The following HELZ variants were observed in gnomAD, a reference collection of about 807,000 sequenced individuals.
HELZ encodes ATP-dependent RNA helicase with zinc finger domain.
Under a neutral mutation model 218.2 loss-of-function variants are expected in HELZ, and 23 were observed. The ratio of observed to expected loss-of-function variants is 0.11; its 90% CI spans 0.08 to 0.15. HELZ has a LOEUF of 0.15. HELZ is among the 10% of genes least tolerant of loss of function. The pLI is 1.00. For missense variants in HELZ, 1,813 were observed against 2,353.7 expected (o/e 0.77, Z 4.75); for synonymous variants, 814 against 829.4 (o/e 0.98, Z 0.32).
Position 67,072,380 on chromosome 17 carries a change from C to G in HELZ, c.*5872G>C, listed in dbSNP as rs960498746. ...TATTATTTTATTATTTAAGGATTAT[C>G]TGTGGTTTTCGATGCTCCATGTCAC... On this transcript the variant is annotated 3_prime_UTR_variant, in exon 33 of 33. Transcript: ENST00000358691. 5 of 152,644 alleles carry G rather than the reference C, an allele frequency of 3.3e-5. No individual in the cohort carries two copies. Among genetic ancestry groups the G allele is most frequent in the African/African-American group, 1.2e-4 (5 of 41,444 alleles). The allele number at this position is 152,644 out of a possible 1,614,324, so 9.5% of individuals were successfully genotyped here.
At chr17:67,095,533 G>A (rs1306231563) in intron 31 of HELZ, among the ~76,000 whole-genome samples, 3 of 152,164 alleles carry the variant, frequency 2.0e-5, no homozygotes, top group Non-Finnish European at 4.4e-5. Context: ...GGGTGACGAA[G>A]CAAGACCCTT....
chr17:67,231,828 G>A (rs2143435583), intron 3 of HELZ, among the ~76,000 whole-genome samples: 2 of 151,798 alleles, frequency 1.3e-5, no homozygotes, highest in African/African-American at 2.4e-5. Flanking sequence ...GGAGATGGGT[G>A]GATCACCTGA....
In HELZ at chr17:67,075,650, G is replaced by C. The variant is rs2035997613; in HGVS notation, c.*2602C>G. On this transcript the variant is annotated 3_prime_UTR_variant, in exon 33 of 33. Transcript: ENST00000358691. ...TGTTATAAGATACTATGCGTAAAGA[G>C]CAGGTTCTTTAAAGCATGGTTGGAA... 1 of 152,182 alleles carries C rather than the reference G, an allele frequency of 6.6e-6. No homozygotes were observed. 9.4% of individuals were successfully genotyped at this position (152,182 alleles called of 1,614,324 possible). A position where few individuals can be genotyped will look rare whatever the true frequency, so the allele number is the denominator to read the frequency against.
At chr17:67,118,692 C>CAAAAAAAAAAAAAA in intron 27 of HELZ, among the ~76,000 whole-genome samples, 1 of 44,920 alleles carries the variant, frequency 2.2e-5, no homozygotes, top group Non-Finnish European at 3.7e-5. Flanking sequence ...CTTTAAAAGG[C>CAAAAAAAAAAAAAA]AAAAAAAAAA....
At chr17:67,244,582 C>T in intron 1 of HELZ, 1 of 768,232 alleles carries the variant, frequency 1.3e-6, no homozygotes, top group Non-Finnish European at 1.5e-6. Context: ...GAGGAGGGGG[C>T]GGGGAAAGGG....
At chr17:67,240,480 A>C (rs1293050441) in intron 2 of HELZ, among the ~76,000 whole-genome samples, 2 of 152,220 alleles carry the variant, frequency 1.3e-5, no homozygotes, top group Non-Finnish European at 2.9e-5. Flanking sequence ...ATAAAAGTAA[A>C]TAATTTTTTA....
At chr17:67,152,968 G>A (rs147053172) in intron 17 of HELZ, among the ~76,000 whole-genome samples, 1,648 of 152,152 alleles carry the variant, frequency 0.011, 18 homozygotes, top group South Asian at 0.018. Flanking sequence ...AAGAGGCTAC[G>A]TAAAATGAAG....
intron 13 of HELZ, 95 bp from the exon 14 acceptor site, chr17:67,167,891 C>A: frequency 1.2e-6 from 1 of 831,952 alleles, no homozygotes; most frequent in Non-Finnish European, 1.9e-6. Context: ...ATAAACATAC[C>A]AAAAATTAAA....
chr17:67,104,205 C>T (rs979993795), intron 31 of HELZ, among the ~76,000 whole-genome samples: 3 of 151,856 alleles, frequency 2.0e-5, no homozygotes, highest in South Asian at 4.2e-4. Context: ...GAGGCCGAGG[C>T]GAGCAGATCA....
chr17:67,087,030 T>C lies in HELZ; in HGVS notation c.5293A>G (p.Ser1765Gly). ...TCTTCAGAACAAGGTTGAACTGAGC[T>C]AGATGAGATTCTTCTTTGGTACAAG... ...RPLYQRRISS[S>G]SVQPCSEEVS... The change falls in exon 32 of 33, where the codon AGC (serine) becomes GGC (glycine). Residue 1765 changes from serine to glycine, a missense_variant. Transcript: ENST00000358691. 6.2e-7 allele frequency: 1 copy of C among 1,613,948 alleles called. No homozygotes were observed. Among genetic ancestry groups the C allele is most frequent in the South Asian group, 1.1e-5 (1 of 91,074 alleles).
chr17:67,160,862 C>T (rs2144111524), intron 16 of HELZ, 35 bp downstream of exon 16: 1 of 1,487,292 alleles, frequency 6.7e-7, no homozygotes, highest in Non-Finnish European at 9.1e-7. Flanking sequence ...TAGTATCCTA[C>T]CAGGGAAATA....
Position 67,188,263 on chromosome 17 carries a change from T to C in HELZ, c.1162+56A>G. On this transcript the variant is annotated intron_variant, in intron 12 of 32. Transcript: ENST00000358691. The surrounding 1 kb of genome is among the most constrained non-coding windows in gnomAD (Gnocchi z 4.1). Reference sequence around the variant, plus strand: ...GAATATATTCAGGGGCCAATACATATCTTTGAATGTTGCTTTTTAACACAT... The same window carrying C: ...GAATATATTCAGGGGCCAATACATACCTTTGAATGTTGCTTTTTAACACAT... The C allele has an allele frequency of 6.7e-7, 1 of 1,487,166 alleles. No homozygotes were observed. 92.1% of individuals were successfully genotyped at this position (1,487,166 alleles called of 1,614,324 possible).
intron 31 of HELZ, among the ~76,000 whole-genome samples, chr17:67,094,068 T>A (rs1003142273): frequency 3.3e-5 from 5 of 152,136 alleles, no homozygotes; most frequent in African/African-American, 1.2e-4. Flanking sequence ...CAGCATGTAG[T>A]CCCAGCACTT....
chr17:67,135,560 T>C (rs1453544397), intron 23 of HELZ, among the ~76,000 whole-genome samples: 1 of 152,222 alleles, frequency 6.6e-6, no homozygotes, highest in Non-Finnish European at 1.5e-5. Flanking sequence ...CTCTTAATAT[T>C]TTCCTTTCCA....
At position 67,166,576 on chromosome 17, in the gene HELZ, G is replaced by A. The variant is rs1414269497; in HGVS notation, c.1797C>T (p.Pro599=). The A allele has an allele frequency of 6.2e-7, 1 of 1,613,086 alleles. No homozygotes were observed. Among genetic ancestry groups the A allele is most frequent in the Non-Finnish European group, 8.5e-7 (1 of 1,179,212 alleles). ...CTAGTGCATAGTGCATTTCACAGAG[G>A]GGTAATCGATTTAATTGAAACTGAA... ...VELQFQLNRL[P]LCEMHYALDR... Residue 599 remains proline, a synonymous_variant, in exon 15 of 33, where the codon CCC becomes CCT. Coordinates refer to ENST00000358691, the MANE Select transcript of HELZ (RefSeq NM_014877.4).
intron 31 of HELZ, among the ~76,000 whole-genome samples, chr17:67,093,102 A>G (rs2036624406): frequency 6.6e-6 from 1 of 152,236 alleles, no homozygotes; most frequent in Admixed American, 6.5e-5. Context: ...ATATTTTAGA[A>G]CATTGTTTTA....
chr17:67,146,250 T>C (rs947464061), intron 20 of HELZ, among the ~76,000 whole-genome samples: 1 of 152,226 alleles, frequency 6.6e-6, no homozygotes, highest in African/African-American at 2.4e-5. Flanking sequence ...ATAATGATGA[T>C]TTAGTCAACA....
intron 31 of HELZ, among the ~76,000 whole-genome samples, chr17:67,105,578 G>A (rs1200361325): frequency 1.3e-5 from 2 of 152,128 alleles, no homozygotes; most frequent in Non-Finnish European, 2.9e-5. Context: ...CCACCAAATT[G>A]TACAATTTAA....
intron 9 of HELZ, 73 bp from the exon 10 acceptor site, chr17:67,190,428 C>T: frequency 1.8e-6 from 2 of 1,134,062 alleles, no homozygotes; most frequent in Non-Finnish European, 2.6e-6. Flanking sequence ...CCAGCATTTG[C>T]CCTCTGATTC....
Sources: gnomAD v4.1 joint callset for allele counts (sites outside exome capture counted in the v4.1 genomes callset) on GRCh38, gnomAD v4.1.1 for gene constraint, Gnocchi (gnomAD v3.1) non-coding constraint, MANE v1.5 for transcripts, NCBI Gene and HGNC (gene_info 2026-07-23, HGNC 2026-07-21) for gene names.